The following FOXK1 variants were observed in gnomAD, a reference collection of about 807,000 sequenced individuals.
The protein encoded by FOXK1 is forkhead box K1, also known as forkhead box protein K1.
Under a neutral mutation model 51.9 loss-of-function variants are expected in FOXK1, and 19 were observed. The observed-to-expected ratio is 0.37, with a 90% CI of 0.26 to 0.54. FOXK1 has a LOEUF of 0.54. Among genes scored for constraint, FOXK1 ranks in the 20% least tolerant of loss-of-function variants. The pLI is 0.87. For synonymous variants in FOXK1, 537 were observed against 482.6 expected (o/e 1.11, Z -1.48); for missense variants, 870 against 1,032.7 (o/e 0.84, Z 2.16).
intron 1 of FOXK1, among the ~76,000 whole-genome samples, chr7:4,738,649 C>T (rs1217143561): frequency 1.3e-5 from 2 of 152,146 alleles, no homozygotes; most frequent in South Asian, 4.1e-4. Flanking sequence ...CCACCCTTAT[C>T]CCCCAAGATT....
At chr7:4,696,694 G>C (rs1779956537) in intron 1 of FOXK1, among the ~76,000 whole-genome samples, 1 of 152,298 alleles carries the variant, frequency 6.6e-6, no homozygotes, top group South Asian at 2.1e-4. Flanking sequence ...GCTATAACCT[G>C]CTAGCCCTTC....
intron 1 of FOXK1, among the ~76,000 whole-genome samples, chr7:4,704,553 G>A (rs572963012): frequency 2.6e-5 from 4 of 151,536 alleles, no homozygotes; most frequent in South Asian, 4.2e-4. Context: ...AAGGATTACC[G>A]GGTACTTTGT....
In FOXK1 at chr7:4,755,825, G is replaced by A. The variant is rs938132120; in HGVS notation, c.1050+442G>A. Among the ~76,000 whole-genome samples the A allele has an allele frequency of 5.9e-5, 9 of 152,266 alleles. No homozygotes were observed. The highest frequency in any genetic ancestry group is 2.1e-4 in the South Asian group (1 of 4,820). ...TATGGTACATCTGAAAGGCATTAGCGCTGTGATACCATTGTGTCTAAATAC... is the reference window on the plus strand; with the variant it reads ...TATGGTACATCTGAAAGGCATTAGCACTGTGATACCATTGTGTCTAAATAC... On this transcript the variant is annotated intron_variant, in intron 4 of 8. Coordinates refer to ENST00000328914, the MANE Select transcript of FOXK1 (RefSeq NM_001037165.2). This position sits in a 1 kb window ranked among gnomAD's most constrained non-coding sequence, Gnocchi z 6.6.
intron 1 of FOXK1, among the ~76,000 whole-genome samples, chr7:4,692,919 G>C (rs1464400495): frequency 6.6e-6 from 1 of 151,880 alleles, no homozygotes; most frequent in Non-Finnish European, 1.5e-5. Flanking sequence ...ATTTATTTTT[G>C]GTTGAGATGG....
At position 4,747,207 on chromosome 7, in the gene FOXK1, G is replaced by A. The variant is rs1780714577; in HGVS notation, c.746+6184G>A. Among the ~76,000 whole-genome samples the A allele has an allele frequency of 6.6e-6, 1 of 152,240 alleles. No homozygotes were observed. Among genetic ancestry groups the A allele is most frequent in the Admixed American group, 6.5e-5 (1 of 15,284 alleles). On this transcript the variant is annotated intron_variant, in intron 2 of 8. Coordinates refer to ENST00000328914, the MANE Select transcript of FOXK1 (RefSeq NM_001037165.2). This position sits in a 1 kb window ranked among gnomAD's most constrained non-coding sequence, Gnocchi z 9.2. ...CAGCCTCGGGTGACAAGCGGCTTGT[G>A]TGGAGTAGGCCTGTTGCATGGCTTC...
At chr7:4,692,992 T>C (rs1242222454) in intron 1 of FOXK1, among the ~76,000 whole-genome samples, 1 of 151,926 alleles carries the variant, frequency 6.6e-6, no homozygotes, top group Non-Finnish European at 1.5e-5. Flanking sequence ...TCTGCTATAA[T>C]ATCCTTAAGT....
chr7:4,740,793 T>TAA (rs1317472051), intron 1 of FOXK1, 45 bp from the exon 2 acceptor site: 9 of 1,559,300 alleles, frequency 5.8e-6, no homozygotes, highest in Non-Finnish European at 7.8e-6. Flanking sequence ...GGCGTCTTCT[T>TAA]GAGTCTCCTC....
chr7:4,741,611 G>A (rs534016115), intron 2 of FOXK1, among the ~76,000 whole-genome samples: 8 of 152,344 alleles, frequency 5.3e-5, no homozygotes, highest in Admixed American at 3.3e-4. Flanking sequence ...GATTACAGGC[G>A]TGAGCCACCG....
intron 1 of FOXK1, among the ~76,000 whole-genome samples, chr7:4,719,361 C>T (rs1287820102): frequency 6.6e-6 from 1 of 151,970 alleles, no homozygotes; most frequent in African/African-American, 2.4e-5. Context: ...AGGCTGGTTG[C>T]AAACTCAGCC....
chr7:4,720,782 G>A (rs747655750), intron 1 of FOXK1, among the ~76,000 whole-genome samples: 29 of 151,036 alleles, frequency 1.9e-4, no homozygotes, highest in Non-Finnish European at 3.5e-4. Flanking sequence ...GCAGTGGCGC[G>A]ATCTTGGCTC....
chr7:4,761,053 C>G lies in FOXK1; in HGVS notation c.1697-11C>G, dbSNP rs1296083477. ...GCCGAGTGTGGTGCTGACTTGGTTCCTGTCCCGCAGGCCTGGAGGAGAAAC... is the reference window on the plus strand; with the variant it reads ...GCCGAGTGTGGTGCTGACTTGGTTCGTGTCCCGCAGGCCTGGAGGAGAAAC... On this transcript the variant is annotated splice_polypyrimidine_tract_variant and intron_variant, in intron 7 of 8. Transcript: ENST00000328914. The surrounding 1 kb of genome is among the most constrained non-coding windows in gnomAD (Gnocchi z 6.2). 6.2e-7 allele frequency: 1 copy of G among 1,607,304 alleles called. No individual in the cohort carries two copies. The highest frequency in any genetic ancestry group is 1.3e-5 in the African/African-American group (1 of 74,946).
At chr7:4,719,279 C>T (rs1321121909) in intron 1 of FOXK1, among the ~76,000 whole-genome samples, 2 of 152,050 alleles carry the variant, frequency 1.3e-5, no homozygotes, top group Admixed American at 6.6e-5. Flanking sequence ...GGACTACAAG[C>T]GTGCACCACT....
chr7:4,737,400 G>A (rs954145753), intron 1 of FOXK1, among the ~76,000 whole-genome samples: 7 of 152,042 alleles, frequency 4.6e-5, no homozygotes, highest in Non-Finnish European at 5.9e-5. Flanking sequence ...GACTGCCATC[G>A]TGTCCAGCAC....
intron 1 of FOXK1, among the ~76,000 whole-genome samples, chr7:4,684,144 T>C (rs1779789959): frequency 6.6e-6 from 1 of 152,202 alleles, no homozygotes; most frequent in Admixed American, 6.5e-5. Context: ...TCAAGGTCTG[T>C]TGATCAGGAG....
chr7:4,750,046 G>A (rs1780754972), intron 2 of FOXK1, among the ~76,000 whole-genome samples: 1 of 152,194 alleles, frequency 6.6e-6, no homozygotes, highest in Non-Finnish European at 1.5e-5. Flanking sequence ...GCACAGCTCC[G>A]GGAGACCCGT....
chr7:4,758,988 C>A lies in FOXK1; in HGVS notation c.1245-63C>A. The A allele has an allele frequency of 6.7e-7, 1 of 1,503,594 alleles. No individual in the cohort carries two copies. The highest frequency in any genetic ancestry group is 8.9e-7 in the Non-Finnish European group (1 of 1,128,444). 93.1% of individuals were successfully genotyped at this position (1,503,594 alleles called of 1,614,324 possible). A position where few individuals can be genotyped will look rare whatever the true frequency, so the allele number is the denominator to read the frequency against. ...GACGGCGCTGAGATGCGTGATGTCT[C>A]GGAAACGTCCTCGCATCCCTCAGCG... On this transcript the variant is annotated intron_variant, in intron 5 of 8. Coordinates refer to ENST00000328914, the MANE Select transcript of FOXK1 (RefSeq NM_001037165.2). The surrounding 1 kb of genome is among the most constrained non-coding windows in gnomAD (Gnocchi z 4.4).
chr7:4,721,255 G>A (rs1212104847), intron 1 of FOXK1, among the ~76,000 whole-genome samples: 2 of 152,178 alleles, frequency 1.3e-5, no homozygotes, highest in Non-Finnish European at 2.9e-5. Context: ...CTTTGCCTGT[G>A]TGTGGCAGTG....
rs536657246 is a variant in FOXK1 at position 4,749,203 on chromosome 7, C to T, written c.747-5256C>T. Among the ~76,000 whole-genome samples the T allele has an allele frequency of 1.3e-5, 2 of 152,282 alleles. No homozygotes were observed. The highest frequency in any genetic ancestry group is 4.8e-5 in the African/African-American group (2 of 41,540). On this transcript the variant is annotated intron_variant, in intron 2 of 8. Transcript: ENST00000328914. The surrounding 1 kb of genome is among the most constrained non-coding windows in gnomAD (Gnocchi z 6.0). Reference sequence around the variant, plus strand: ...AGGTGTGCTTTGCATGCTGTTCTTACTGTCCTACAGAGACGGCATCGTTAC... The same window carrying T: ...AGGTGTGCTTTGCATGCTGTTCTTATTGTCCTACAGAGACGGCATCGTTAC...
rs1780711830 is a variant in FOXK1, at chr7:4,747,043, A to C, written c.746+6020A>C. Among the ~76,000 whole-genome samples the C allele has an allele frequency of 6.6e-6, 1 of 152,202 alleles. No individual in the cohort carries two copies. The highest frequency in any genetic ancestry group is 2.1e-4 in the South Asian group (1 of 4,826). On this transcript the variant is annotated intron_variant, in intron 2 of 8. Coordinates refer to ENST00000328914, the MANE Select transcript of FOXK1 (RefSeq NM_001037165.2). This position sits in a 1 kb window ranked among gnomAD's most constrained non-coding sequence, Gnocchi z 9.2. ...CCTGCCTAGATCCCTTCGAGGGGCA[A>C]CTTTGGCGCTAAAGTGTTGGGAGTT...
Sources: allele counts gnomAD v4.1 joint callset (sites outside exome capture counted in the v4.1 genomes callset), GRCh38; gene constraint gnomAD v4.1.1; non-coding constraint Gnocchi (gnomAD v3.1); transcripts MANE v1.5; gene names NCBI Gene and HGNC (gene_info 2026-07-23, HGNC 2026-07-21).